Variants in CSRNP1 observed in about 807,000 individuals in gnomAD.
The protein encoded by CSRNP1 is cysteine and serine rich nuclear protein 1, also known as cysteine/serine-rich nuclear protein 1.
A neutral mutation model predicts 25.0 loss-of-function variants in CSRNP1; 8 were observed. The ratio of observed to expected loss-of-function variants is 0.32; its 90% CI spans 0.19 to 0.58. The LOEUF (loss-of-function observed/expected upper bound fraction) is 0.58. CSRNP1 is among the 20% of genes least tolerant of loss of function. The pLI is 0.88. For missense variants in CSRNP1, 691 were observed against 773.1 expected, an observed-to-expected ratio of 0.89 and a Z score of 1.26; for synonymous variants, 305 against 303.1, an observed-to-expected ratio of 1.01 and a Z score of -0.06.
chr3:39,153,387 C>T, intron 1 of CSRNP1, 51 bp downstream of exon 1: 1 of 225,848 alleles, frequency 4.4e-6, no homozygotes, highest in Non-Finnish European at 9.6e-6. Context: ...GCGCTGAATG[C>T]CCCCTCCCCA....
At chr3:39,145,898 TA>T (rs531560779) in intron 2 of CSRNP1, among the ~76,000 whole-genome samples, 47 of 152,332 alleles carry the variant, frequency 3.1e-4, no homozygotes, top group Middle Eastern at 3.4e-3. Context: ...TCTATTGTAT[TA>T]AAATTTCATG....
Position 39,143,880 on chromosome 3 carries a change from A to G in CSRNP1, c.945T>C (p.Pro315=). The G allele has an allele frequency of 6.2e-7, 1 of 1,614,152 alleles. No individual in the cohort carries two copies. Residue 315 remains proline (P), a synonymous_variant, in exon 5 of 5, where the codon CCT becomes CCC. Transcript: ENST00000273153. The part of the protein sequence containing the change: ...EAESFRELEA[P]AQGSPPSPGE... ...CAGGGCTGGGTGGGCTGCCCTGGGC[A>G]GGGGCCTCCAGCTCCCTAAAGCTCT...
rs200776858 is a variant in CSRNP1, at chr3:39,143,661, A to G, written c.1164T>C (p.Asp388=). 2.8e-5 allele frequency: 45 copies of G among 1,614,038 alleles called. No homozygotes were observed. In the South Asian group the frequency reaches 4.6e-4, roughly 17 times the overall value. The part of the protein sequence containing the change: ...PGPGFQPGVD[D]DSLARILSFS... Reference sequence around the variant, plus strand: ...AACTCAAGATGCGTGCCAGGCTGTCATCATCAACGCCAGGCTGGAAGCCAG... The same window carrying G: ...AACTCAAGATGCGTGCCAGGCTGTCGTCATCAACGCCAGGCTGGAAGCCAG... Residue 388 remains aspartate, a synonymous_variant, in exon 5 of 5, where the codon GAT becomes GAC. Transcript: ENST00000273153.
At chr3:39,151,638 CA>C (rs1450965696) in intron 1 of CSRNP1, 2 of 152,466 alleles carry the variant, frequency 1.3e-5, no homozygotes, top group Non-Finnish European at 2.9e-5. Context: ...CCAGTCCCCC[CA>C]AAACACTTGG....
chr3:39,153,678 A>G (rs1410397675), upstream of CSRNP1: 3 of 151,800 alleles, frequency 2.0e-5, no homozygotes, highest in South Asian at 2.1e-4. Flanking sequence ...CCGGGCCTCC[A>G]GCCAGGCCGC....
At chr3:39,144,856 A>C in intron 3 of CSRNP1, 141 bp downstream of exon 3, 1 of 1,042,912 alleles carries the variant, frequency 9.6e-7, no homozygotes, top group Non-Finnish European at 1.4e-6. Flanking sequence ...GGCTCCAATC[A>C]AGCCAATCAC....
At position 39,142,834 on chromosome 3, in the gene CSRNP1, G is replaced by A; in HGVS notation, c.*221C>T. The A allele has an allele frequency of 2.2e-6, 1 of 451,890 alleles. No individual in the cohort carries two copies. The highest frequency in any genetic ancestry group is 3.9e-6 in the Non-Finnish European group (1 of 259,110). The allele number at this position is 451,890 out of a possible 1,614,324, so 28.0% of individuals were successfully genotyped here. On this transcript the variant is annotated 3_prime_UTR_variant, in exon 5 of 5. Coordinates refer to ENST00000273153, the MANE Select transcript of CSRNP1 (RefSeq NM_033027.4). ...GCAAGCTGTGGGTGTGGGGGGCCGG[G>A]CAGCTGAAAGGGGAAGCCCCCTCCC...
chr3:39,144,298 G>A lies in CSRNP1; in HGVS notation c.619C>T (p.Arg207Cys), dbSNP rs779138699. The A allele has an allele frequency of 3.1e-6, 5 of 1,613,998 alleles. No individual in the cohort carries two copies. Among genetic ancestry groups the A allele is most frequent in the East Asian group, 2.2e-5 (1 of 44,866 alleles). Residue 207 changes from arginine to cysteine, a missense_variant, in exon 4 of 5, where the codon CGT becomes TGT. Physicochemically the swap from Arg to Cys is radical, Grantham distance 180 (BLOSUM62 -3). Transcript: ENST00000273153. ...CCTGAAGCCCTCAGCAGAGCTCGAC[G>A]TCGCCGGGCTGGGTAGGGCTGTAGG... ...SFLQPYPARR[R>C]RALLRASGVR... is the part of the protein sequence containing the mutation.
chr3:39,146,841 T>G, intron 1 of CSRNP1, 119 bp from the exon 2 acceptor site: 1 of 1,371,050 alleles, frequency 7.3e-7, no homozygotes, highest in South Asian at 1.5e-5. Flanking sequence ...GCCTCTGCCC[T>G]CCAGCCCTGC....
intron 1 of CSRNP1, chr3:39,150,006 C>G (rs2039560625): frequency 6.6e-6 from 1 of 152,118 alleles, no homozygotes; most frequent in Non-Finnish European, 1.5e-5. Flanking sequence ...CTTATTAGCA[C>G]CTTTATAAGA....
chr3:39,153,629 G>C (rs1248279213), upstream of CSRNP1: 3 of 149,872 alleles, frequency 2.0e-5, no homozygotes, highest in Non-Finnish European at 4.4e-5. Flanking sequence ...CGCCCTCCTC[G>C]TCAGTGGAAA....
At chr3:39,148,647 T>G (rs1465494159) in intron 1 of CSRNP1, 2 of 152,466 alleles carry the variant, frequency 1.3e-5, no homozygotes, top group Non-Finnish European at 2.9e-5. Context: ...CTTCCTGTGT[T>G]CCCTATCTTA....
intron 1 of CSRNP1, among the ~76,000 whole-genome samples, chr3:39,147,046 AACAC>A (rs5848492): frequency 0.4 from 60,648 of 149,784 alleles, 13,136 homozygotes; most frequent in African/African-American, 0.59. Flanking sequence ...ACATACACAA[AACAC>A]ACACACACAC....
chr3:39,146,863 T>C, intron 1 of CSRNP1, 141 bp from the exon 2 acceptor site: 2 of 1,159,688 alleles, frequency 1.7e-6, no homozygotes, highest in South Asian at 3.2e-5. Flanking sequence ...TGTGGAGCTC[T>C]GTGTGGGGGA....
At chr3:39,146,287 AAAGGTG>A (rs2039509416) in intron 2 of CSRNP1, among the ~76,000 whole-genome samples, 185 bp downstream of exon 2, 1 of 152,206 alleles carries the variant, frequency 6.6e-6, no homozygotes. Context: ...TCCCAAGGTC[AAAGGTG>A]AATTAGCTGG....
chr3:39,153,494 G>GC lies in CSRNP1; in HGVS notation c.-98dup. ...CGCGACCCGCGTCCCGGCCGGGGAC[G>GC]CCCCCTGCGCCGCGACTCTGTGCGC... is the stretch of plus-strand genomic sequence containing the variant. On this transcript the variant is annotated 5_prime_UTR_variant, in exon 1 of 5. Coordinates refer to ENST00000273153, the MANE Select transcript of CSRNP1 (RefSeq NM_033027.4). 3 of 293,106 alleles carry GC rather than the reference G, an allele frequency of 1.0e-5. No homozygotes were observed. The highest frequency in any genetic ancestry group is 7.2e-6 in the Non-Finnish European group (1 of 138,558). The allele number at this position is 293,106 out of a possible 1,614,324, so 18.2% of individuals were successfully genotyped here.
In CSRNP1 at chr3:39,145,232, C is replaced by T. The variant is rs780574067; in HGVS notation, c.230G>A (p.Arg77His). The change falls in exon 3 of 5, where the codon CGC becomes CAC. Residue 77 changes from arginine (R) to histidine (H), a missense_variant. Coordinates refer to ENST00000273153, the MANE Select transcript of CSRNP1 (RefSeq NM_033027.4). Reference sequence around the variant, plus strand: ...GGCTACACGGCCTGGGCGCTCCCGGCGAGCCCGCTTCAGGATAGACAGGGC... The same window carrying T: ...GGCTACACGGCCTGGGCGCTCCCGGTGAGCCCGCTTCAGGATAGACAGGGC... ...FTPLSILKRA[R>H]RERPGRVAFD... is the part of the protein sequence containing the mutation. The T allele has an allele frequency of 3.7e-5, 60 of 1,606,270 alleles. No homozygotes were observed. Among genetic ancestry groups the T allele is most frequent in the East Asian group, 3.1e-4 (14 of 44,672 alleles).
At position 39,142,868 on chromosome 3, in the gene CSRNP1, T is replaced by A; in HGVS notation, c.*187A>T. Reference sequence around the variant, plus strand: ...AGGGGAAGCCCCCTCCCCCCAGTCCTCTCTTCAGCACAGAAAAGTTAAAAC... The same window carrying A: ...AGGGGAAGCCCCCTCCCCCCAGTCCACTCTTCAGCACAGAAAAGTTAAAAC... On this transcript the variant is annotated 3_prime_UTR_variant, in exon 5 of 5. Transcript: ENST00000273153. 1 of 641,874 alleles carries A rather than the reference T, an allele frequency of 1.6e-6. No homozygotes were observed. The highest frequency in any genetic ancestry group is 3.0e-5 in the East Asian group (1 of 32,918). 39.8% of individuals were successfully genotyped at this position (641,874 alleles called of 1,614,324 possible). A position where few individuals can be genotyped will look rare whatever the true frequency, so the allele number is the denominator to read the frequency against.
chr3:39,144,867 C>A, intron 3 of CSRNP1, 130 bp downstream of exon 3: 2 of 1,152,236 alleles, frequency 1.7e-6, no homozygotes, highest in Non-Finnish European at 2.4e-6. Flanking sequence ...AGCCAATCAC[C>A]AGGCCCACAG....
Sources: gnomAD v4.1 joint callset for allele counts (sites outside exome capture counted in the v4.1 genomes callset) on GRCh38, gnomAD v4.1.1 for gene constraint, MANE v1.5 for transcripts, NCBI Gene and HGNC (gene_info 2026-07-23, HGNC 2026-07-21) for gene names.